The following DENND1A variants were observed in gnomAD, a reference collection of about 807,000 sequenced individuals.
The protein encoded by DENND1A is DENN domain containing 1A, also known as DENN domain-containing protein 1A.
DENND1A carries 51 observed loss-of-function variants against 113.7 expected under a neutral mutation model. That is an observed-to-expected ratio of 0.45 (90% CI 0.36 to 0.57). DENND1A has a LOEUF of 0.57. DENND1A is among the 20% of genes least tolerant of loss of function. The pLI is 0.00. For missense variants in DENND1A, 1,258 were observed against 1,395.9 expected (o/e 0.90, Z 1.57); for synonymous variants, 565 against 570.8 (o/e 0.99, Z 0.14).
At chr9:123,782,870 C>G (rs1831533557) in intron 3 of DENND1A, among the ~76,000 whole-genome samples, 1 of 151,242 alleles carries the variant, frequency 6.6e-6, no homozygotes, top group Non-Finnish European at 1.5e-5. Flanking sequence ...CCCCAGCTCC[C>G]CCCGCTCACA....
At chr9:123,424,654 G>C (rs2045576671) in intron 19 of DENND1A, among the ~76,000 whole-genome samples, 1 of 152,180 alleles carries the variant, frequency 6.6e-6, no homozygotes, top group Admixed American at 6.5e-5. Flanking sequence ...ACCTGGGGTG[G>C]GGAGAGCCCA....
chr9:123,567,302 A>G (rs529036864), intron 12 of DENND1A, among the ~76,000 whole-genome samples: 1 of 152,376 alleles, frequency 6.6e-6, no homozygotes, highest in African/African-American at 2.4e-5. Flanking sequence ...AGTTGTCAAC[A>G]TGAATAAACC....
At chr9:123,690,712 T>C (rs1417637859) in intron 5 of DENND1A, among the ~76,000 whole-genome samples, 1 of 152,240 alleles carries the variant, frequency 6.6e-6, no homozygotes, top group Non-Finnish European at 1.5e-5. Context: ...GCCACAGGTA[T>C]GATTCCCCGC....
At chr9:123,533,110 T>C (rs960941440) in intron 13 of DENND1A, among the ~76,000 whole-genome samples, 1 of 152,236 alleles carries the variant, frequency 6.6e-6, no homozygotes, top group Non-Finnish European at 1.5e-5. Flanking sequence ...ATCTCTGCTG[T>C]TGAATTCTCC....
intron 10 of DENND1A, among the ~76,000 whole-genome samples, chr9:123,620,213 CAA>C (rs34196587): frequency 3.5e-3 from 206 of 58,988 alleles, no homozygotes; most frequent in Middle Eastern, 0.03. Context: ...GACTCCATCT[CAA>C]AAAAAAAAAA....
At chr9:123,545,710 G>A (rs1420618742) in intron 13 of DENND1A, among the ~76,000 whole-genome samples, 5 of 151,932 alleles carry the variant, frequency 3.3e-5, no homozygotes, top group South Asian at 2.1e-4. Context: ...CTCATGATCC[G>A]CCCACCTCAG....
intron 3 of DENND1A, among the ~76,000 whole-genome samples, chr9:123,772,478 TTC>T (rs1332123238): frequency 1.3e-5 from 2 of 152,156 alleles, no homozygotes; most frequent in Non-Finnish European, 2.9e-5. Context: ...AATTTTCTTG[TTC>T]TCTTTCCCGT....
At chr9:123,632,464 G>A (rs2061518366) in intron 9 of DENND1A, among the ~76,000 whole-genome samples, 1 of 152,172 alleles carries the variant, frequency 6.6e-6, no homozygotes, top group Non-Finnish European at 1.5e-5. Flanking sequence ...CTGGTGTTGA[G>A]TGAGTGGAGA....
intron 21 of DENND1A, chr9:123,399,987 G>GTC (rs1192004361): frequency 2.0e-5 from 3 of 152,264 alleles, no homozygotes; most frequent in Non-Finnish European, 1.5e-5. Flanking sequence ...GCTGACTGGT[G>GTC]TCTGACCCAC....
chr9:123,430,614 C>T (rs2046065443), intron 19 of DENND1A, among the ~76,000 whole-genome samples: 1 of 152,258 alleles, frequency 6.6e-6, no homozygotes, highest in Middle Eastern at 3.4e-3. Context: ...CAAGTGGGAG[C>T]TGAATGATGA....
intron 11 of DENND1A, among the ~76,000 whole-genome samples, chr9:123,589,841 C>T (rs1174442989): frequency 1.3e-5 from 2 of 152,106 alleles, no homozygotes; most frequent in Non-Finnish European, 2.9e-5. Flanking sequence ...AGGGAAAACC[C>T]GTAGTATGGG....
At chr9:123,661,366 G>C (rs1390200190) in intron 8 of DENND1A, among the ~76,000 whole-genome samples, 1 of 152,116 alleles carries the variant, frequency 6.6e-6, no homozygotes, top group Non-Finnish European at 1.5e-5. Context: ...CCTTTGACAG[G>C]CAATAAAGGC....
At chr9:123,761,594 T>C (rs141532787) in intron 4 of DENND1A, among the ~76,000 whole-genome samples, 2 of 152,318 alleles carry the variant, frequency 1.3e-5, no homozygotes, top group East Asian at 3.9e-4. Flanking sequence ...AGATTCTTTT[T>C]GGGGTGCCAC....
intron 13 of DENND1A, among the ~76,000 whole-genome samples, chr9:123,511,967 T>C (rs1407275477): frequency 6.6e-6 from 1 of 151,964 alleles, no homozygotes; most frequent in Non-Finnish European, 1.5e-5. Context: ...GTGCAGTCAA[T>C]CACAAGGGGA....
intron 13 of DENND1A, among the ~76,000 whole-genome samples, chr9:123,465,762 T>C (rs563860303): frequency 6.6e-6 from 1 of 152,342 alleles, no homozygotes; most frequent in East Asian, 1.9e-4. Context: ...TTTTTAGACC[T>C]ATCATGATGC....
intron 2 of DENND1A, among the ~76,000 whole-genome samples, chr9:123,849,266 CCAAT>C (rs1843016397): frequency 6.6e-6 from 1 of 152,178 alleles, no homozygotes; most frequent in Non-Finnish European, 1.5e-5. Flanking sequence ...TAAATTCAAA[CCAAT>C]GCTCATCGAC....
intron 2 of DENND1A, chr9:123,843,113 T>A: frequency 3.7e-6 from 2 of 545,906 alleles, no homozygotes; most frequent in Non-Finnish European, 7.4e-6. Flanking sequence ...GTGTCTTCAT[T>A]CCATCATTCT....
At chr9:123,576,116 G>A (rs1218170349) in intron 12 of DENND1A, among the ~76,000 whole-genome samples, 1 of 152,004 alleles carries the variant, frequency 6.6e-6, no homozygotes, top group Non-Finnish European at 1.5e-5. Context: ...CTCCCTTAGT[G>A]GCCCTTGTAA....
intron 9 of DENND1A, among the ~76,000 whole-genome samples, chr9:123,649,502 G>A (rs1030924149): frequency 6.6e-6 from 1 of 152,118 alleles, no homozygotes; most frequent in African/African-American, 2.4e-5. Context: ...GTCTAAGACT[G>A]AAATAATCTT....
Sources: allele counts gnomAD v4.1 joint callset (sites outside exome capture counted in the v4.1 genomes callset), GRCh38; gene constraint gnomAD v4.1.1; transcripts MANE v1.5; gene names NCBI Gene and HGNC (gene_info 2026-07-23, HGNC 2026-07-21).